Variants in GRID2 observed in about 807,000 individuals in gnomAD.
GRID2 encodes the protein glutamate ionotropic receptor delta type subunit 2.
A neutral mutation model predicts 114.8 loss-of-function variants in GRID2; 33 were observed. The observed-to-expected ratio is 0.29, with a 90% CI of 0.22 to 0.38. The LOEUF (loss-of-function observed/expected upper bound fraction) is 0.38, where lower values mean the gene tolerates loss of function less well. Among genes scored for constraint, GRID2 ranks in the 10% least tolerant of loss-of-function variants. The probability of loss-of-function intolerance (pLI) is 1.00; values close to 1 mark genes in which losing one functional copy is unlikely to be tolerated. For missense variants in GRID2, 1,184 were observed against 1,257.7 expected, an observed-to-expected ratio of 0.94 and a Z score of 0.89; for synonymous variants, 505 against 449.9, an observed-to-expected ratio of 1.12 and a Z score of -1.55.
At chr4:92,564,360 T>C (rs1364591788) in intron 1 of GRID2, among the ~76,000 whole-genome samples, 1 of 152,024 alleles carries the variant, frequency 6.6e-6, no homozygotes, top group East Asian at 1.9e-4. Context: ...AAAATCATTG[T>C]TGCCCCTGAG....
At position 93,626,428 on chromosome 4, in the gene GRID2, T is replaced by A. The variant is rs199704408; in HGVS notation, c.2353T>A (p.Ser785Thr). The change falls in exon 14 of 16, where the codon TCA becomes ACA. Residue 785 changes from serine to threonine, a missense_variant. Physicochemically the swap from Ser to Thr is moderately conservative, Grantham distance 58. This residue lies in a region of GRID2 where 717 missense variants were observed against 796.9 expected (regional missense o/e 0.90). Coordinates refer to ENST00000282020, the MANE Select transcript of GRID2 (RefSeq NM_001510.4). ...QHGSPYRDVFSQRILELQQNG... is the reference protein window; with the variant it reads ...QHGSPYRDVFTQRILELQQNG... ...TGGCAGTCCTTACCGAGATGTTTTTTCACAAAGGTAAGATTTGTGTATGAC... is the reference window on the plus strand; with the variant it reads ...TGGCAGTCCTTACCGAGATGTTTTTACACAAAGGTAAGATTTGTGTATGAC... The A allele has an allele frequency of 4.1e-5, 66 of 1,601,702 alleles. 1 individual carries two copies. In the South Asian group the frequency reaches 7.0e-4, roughly 17 times the overall value.
chr4:92,735,174 C>T (rs1736529788), intron 2 of GRID2, among the ~76,000 whole-genome samples: 1 of 151,976 alleles, frequency 6.6e-6, no homozygotes, highest in Non-Finnish European at 1.5e-5. Flanking sequence ...TGATATTAAT[C>T]TCATATTAAT....
chr4:92,573,607 T>C (rs963734076), intron 1 of GRID2, among the ~76,000 whole-genome samples: 1 of 152,318 alleles, frequency 6.6e-6, no homozygotes, highest in Non-Finnish European at 1.5e-5. Flanking sequence ...TCAATTTCCA[T>C]GTAGTTGTAT....
In GRID2 at chr4:93,465,432, G is replaced by C. The variant is rs6852537; in HGVS notation, c.1858+9458G>C. On this transcript the variant is annotated intron_variant, in intron 11 of 15. Transcript: ENST00000282020. ...TTTTCATGTCTTTGTGTTTCCTTAA[G>C]AGACAGCTCAGTTTACAATCCTGTT... is the stretch of plus-strand genomic sequence containing the variant. Among the ~76,000 whole-genome samples, 1,412 of 152,216 alleles carry C rather than the reference G, an allele frequency of 9.3e-3. 22 individuals carry two copies. Among genetic ancestry groups the C allele is most frequent in the African/African-American group, 0.033 (1,351 of 41,540 alleles).
chr4:93,381,989 C>A (rs1031106927), intron 8 of GRID2, among the ~76,000 whole-genome samples: 3 of 152,032 alleles, frequency 2.0e-5, no homozygotes, highest in Admixed American at 6.6e-5. Flanking sequence ...CTTAATGTCT[C>A]CCTTAGTTTG....
intron 13 of GRID2, among the ~76,000 whole-genome samples, chr4:93,522,378 G>T (rs1730424510): frequency 6.6e-6 from 1 of 152,136 alleles, no homozygotes; most frequent in Non-Finnish European, 1.5e-5. Flanking sequence ...GACTGAAGGG[G>T]TTTGTAATCG....
At chr4:92,903,601 C>G (rs572224555) in intron 2 of GRID2, among the ~76,000 whole-genome samples, 4 of 151,876 alleles carry the variant, frequency 2.6e-5, no homozygotes, top group Admixed American at 2.6e-4. Flanking sequence ...AATTTAGATC[C>G]GTGGTGAACC....
chr4:92,579,878 A>G (rs1007500154), intron 1 of GRID2, among the ~76,000 whole-genome samples: 1 of 149,310 alleles, frequency 6.7e-6, no homozygotes, highest in Non-Finnish European at 1.5e-5. Flanking sequence ...GACTGTGACT[A>G]TGATACAGAT....
intron 13 of GRID2, among the ~76,000 whole-genome samples, chr4:93,528,445 A>G (rs1486855576): frequency 6.7e-6 from 1 of 150,340 alleles, no homozygotes; most frequent in Non-Finnish European, 1.5e-5. Flanking sequence ...TCTCACCAAC[A>G]TTTATTTTGT....
chr4:93,396,872 G>A (rs1391510494), intron 9 of GRID2, among the ~76,000 whole-genome samples: 2 of 151,936 alleles, frequency 1.3e-5, no homozygotes, highest in African/African-American at 2.4e-5. Context: ...ATTCCAATGT[G>A]TTTAATCATG....
chr4:93,684,722 G>A (rs566115268), intron 14 of GRID2, among the ~76,000 whole-genome samples: 2 of 152,128 alleles, frequency 1.3e-5, no homozygotes, highest in South Asian at 2.1e-4. Flanking sequence ...ATCACGTGGG[G>A]AGTGGTAGAG....
intron 2 of GRID2, among the ~76,000 whole-genome samples, chr4:92,746,161 T>A (rs981989874): frequency 6.6e-6 from 1 of 152,132 alleles, no homozygotes; most frequent in African/African-American, 2.4e-5. Context: ...TAAAATATCA[T>A]CACCTTGCAC....
chr4:93,316,099 G>A (rs1423028824), intron 8 of GRID2, among the ~76,000 whole-genome samples: 1 of 151,956 alleles, frequency 6.6e-6, no homozygotes, highest in Non-Finnish European at 1.5e-5. Flanking sequence ...AGGAGAGAGG[G>A]CTAGGTGTTG....
intron 5 of GRID2, among the ~76,000 whole-genome samples, chr4:93,212,698 GT>G (rs1560993341): frequency 6.6e-6 from 1 of 151,868 alleles, no homozygotes; most frequent in African/African-American, 2.4e-5. Flanking sequence ...AATTTGAATA[GT>G]GTAAGACATT....
In GRID2 at chr4:92,919,982, G is replaced by C. The variant is rs1290686087; in HGVS notation, c.245-165013G>C. Among the ~76,000 whole-genome samples the C allele has an allele frequency of 5.3e-5, 8 of 152,216 alleles. No individual in the cohort carries two copies. The East Asian group carries it at 5.8e-4, about 11-fold the overall frequency. On this transcript the variant is annotated intron_variant, in intron 2 of 15. Transcript: ENST00000282020. ...TCTTCCGTTATTATTGTGTGGGAGT[G>C]TAAGTCTCTTTGTAGGTCCAAGGAC...
At chr4:93,768,800 A>C (rs1733882266) in intron 14 of GRID2, among the ~76,000 whole-genome samples, 1 of 152,208 alleles carries the variant, frequency 6.6e-6, no homozygotes, top group Non-Finnish European at 1.5e-5. Context: ...GATCCTGAGT[A>C]TCATTCTGGA....
chr4:93,244,519 A>T (rs202008613), intron 8 of GRID2, among the ~76,000 whole-genome samples: 9 of 31,628 alleles, frequency 2.8e-4, no homozygotes, highest in Admixed American at 1.8e-3. Flanking sequence ...TAATCTATTA[A>T]TTAATAGATT....
intron 1 of GRID2, among the ~76,000 whole-genome samples, chr4:92,374,025 TCAAAGCCC>T (rs908764923): frequency 7.9e-5 from 12 of 151,914 alleles, no homozygotes; most frequent in African/African-American, 2.7e-4. Flanking sequence ...AAAATAAAAT[TCAAAGCCC>T]CCCCGCCCTG....
chr4:93,662,367 GAAATATTATGC>G (rs1458690702), intron 14 of GRID2, among the ~76,000 whole-genome samples: 4 of 152,070 alleles, frequency 2.6e-5, no homozygotes, highest in South Asian at 2.1e-4. Context: ...ATAATATGCA[GAAATATTATGC>G]AAATATTATG....
Sources: gnomAD v4.1 joint callset for allele counts (sites outside exome capture counted in the v4.1 genomes callset) on GRCh38, gnomAD v4.1.1 for gene constraint, gnomAD v4.1.1 regional missense constraint, MANE v1.5 for transcripts, NCBI Gene and HGNC (gene_info 2026-07-23, HGNC 2026-07-21) for gene names.